The following POP1 variants were observed in gnomAD, a reference collection of about 807,000 sequenced individuals.
POP1 encodes the protein POP1 ribonuclease P/MRP subunit, also known as ribonucleases P/MRP protein subunit POP1.
In POP1, 75 loss-of-function variants were observed where a neutral mutation model predicts 102.2. The observed-to-expected ratio is 0.73, with a 90% CI of 0.61 to 0.89. POP1 has a LOEUF of 0.89. Ranked by LOEUF, POP1 falls within the 40% of genes least tolerant of loss-of-function variation. POP1 has a pLI of 0.00. For missense variants in POP1, 1,116 were observed against 1,267.4 expected, an observed-to-expected ratio of 0.88 and a Z score of 1.81; for synonymous variants, 436 against 464.1, an observed-to-expected ratio of 0.94 and a Z score of 0.78.
intron 9 of POP1, among the ~76,000 whole-genome samples, chr8:98,139,623 A>G (rs1450219250): frequency 6.6e-6 from 1 of 152,176 alleles, no homozygotes; most frequent in African/African-American, 2.4e-5. Flanking sequence ...TCTCCCAGCC[A>G]CTTGAAAGGC....
At position 98,134,494 on chromosome 8, in the gene POP1, C is replaced by T. The variant is rs1223493712; in HGVS notation, c.846C>T (p.His282=). Residue 282 remains histidine, a synonymous_variant, in exon 7 of 16, where the codon CAC becomes CAT. Transcript: ENST00000401707. ...CAGGGCTGACGTTTGCAGCAGTTCA[C>T]TGCTTGTCTGGAAAGCGCCAAGGGA... ...IDTGLTFAAV[H]CLSGKRQGSL... is the part of the protein sequence containing the mutation. The T allele has an allele frequency of 1.9e-6, 3 of 1,614,176 alleles. No homozygotes were observed. The highest frequency in any genetic ancestry group is 1.7e-5 in the Admixed American group (1 of 60,020).
chr8:98,129,641 T>C (rs532389221), intron 4 of POP1, among the ~76,000 whole-genome samples: 2 of 152,334 alleles, frequency 1.3e-5, no homozygotes, highest in African/African-American at 4.8e-5. Flanking sequence ...TTTGATTTCT[T>C]CTTTCTTGCC....
chr8:98,122,295 A>G (rs1170456315), intron 1 of POP1, among the ~76,000 whole-genome samples: 1 of 152,210 alleles, frequency 6.6e-6, no homozygotes, highest in African/African-American at 2.4e-5. Flanking sequence ...TCTTTGAGGC[A>G]CTGGTACAAC....
At chr8:98,144,466 G>A (rs982606944) in intron 11 of POP1, among the ~76,000 whole-genome samples, 3 of 151,754 alleles carry the variant, frequency 2.0e-5, no homozygotes, top group Admixed American at 1.3e-4. Flanking sequence ...GTAGAGACAG[G>A]GTCTCACTAA....
Position 98,136,755 on chromosome 8 carries a change from C to T in POP1, c.1268+17C>T, listed in dbSNP as rs1369679746. The T allele has an allele frequency of 1.9e-6, 3 of 1,613,658 alleles. No individual in the cohort carries two copies. In the Admixed American group the frequency reaches 5.0e-5, roughly 27 times the overall value. On this transcript the variant is annotated intron_variant, in intron 8 of 15. Coordinates refer to ENST00000401707, the MANE Select transcript of POP1 (RefSeq NM_001145860.2). ...TATAATCAGGTATGAGTTGAATTTG[C>T]TTTGAACCTACTGAACATTTTCAGT... is the stretch of plus-strand genomic sequence containing the variant.
chr8:98,154,081 G>A (rs535856133), intron 14 of POP1, among the ~76,000 whole-genome samples: 1 of 152,346 alleles, frequency 6.6e-6, no homozygotes, highest in South Asian at 2.1e-4. Flanking sequence ...GGCTGTTGGA[G>A]ATTTGAGGAG....
intron 1 of POP1, 84 bp downstream of exon 1, chr8:98,117,474 C>T (rs769995243): frequency 1.1e-5 from 3 of 262,112 alleles, no homozygotes; most frequent in Non-Finnish European, 2.3e-5. Flanking sequence ...CGCCCGTCTC[C>T]CCTCTTCATC....
chr8:98,117,542 T>C (rs1294997951), intron 1 of POP1, among the ~76,000 whole-genome samples, 152 bp downstream of exon 1: 2 of 152,112 alleles, frequency 1.3e-5, no homozygotes, highest in Non-Finnish European at 2.9e-5. Context: ...GGGGCCCCTC[T>C]CCCTGGTGTC....
chr8:98,151,383 G>A (rs1047708977), intron 14 of POP1, among the ~76,000 whole-genome samples: 2 of 152,154 alleles, frequency 1.3e-5, no homozygotes, highest in African/African-American at 4.8e-5. Flanking sequence ...GCCTGGCCAA[G>A]CACTGTTTTT....
chr8:98,145,591 A>G (rs1295070720), intron 11 of POP1, among the ~76,000 whole-genome samples: 2 of 152,156 alleles, frequency 1.3e-5, no homozygotes, highest in Non-Finnish European at 2.9e-5. Context: ...AACACTATGT[A>G]TCACTGAAAA....
intron 2 of POP1, among the ~76,000 whole-genome samples, chr8:98,126,854 TATCTC>T (rs1385249474): frequency 6.6e-6 from 1 of 152,238 alleles, no homozygotes; most frequent in Non-Finnish European, 1.5e-5. Context: ...ATCCTCAAGA[TATCTC>T]ATTTTATATA....
chr8:98,148,735 A>G (rs912091389), intron 12 of POP1, 80 bp from the exon 13 acceptor site: 14 of 1,245,736 alleles, frequency 1.1e-5, no homozygotes, highest in African/African-American at 1.1e-4. Flanking sequence ...TTAATTTTCT[A>G]AAGCTGCTTA....
intron 6 of POP1, 139 bp from the exon 7 acceptor site, chr8:98,134,333 A>G: frequency 1.2e-6 from 1 of 848,978 alleles, no homozygotes; most frequent in East Asian, 2.5e-5. Context: ...ATTGTGTGCC[A>G]GGCTTTGATC....
chr8:98,155,400 C>A (rs1013508758), intron 14 of POP1, among the ~76,000 whole-genome samples: 1 of 152,094 alleles, frequency 6.6e-6, no homozygotes, highest in African/African-American at 2.4e-5. Context: ...TCTGCCTCAG[C>A]CTCCCTAGTA....
intron 4 of POP1, 151 bp from the exon 5 acceptor site, chr8:98,129,827 C>T: frequency 2.3e-6 from 2 of 885,736 alleles, no homozygotes; most frequent in Non-Finnish European, 3.5e-6. Flanking sequence ...TCTCTACTTA[C>T]ATTGAAGAAA....
chr8:98,155,563 A>G (rs534835741), intron 14 of POP1, among the ~76,000 whole-genome samples: 3 of 151,048 alleles, frequency 2.0e-5, no homozygotes, highest in East Asian at 4.0e-4. Context: ...GATTACAAGC[A>G]TGAGCCACCA....
intron 1 of POP1, 123 bp from the exon 2 acceptor site, chr8:98,123,213 T>C: frequency 8.7e-7 from 1 of 1,147,602 alleles, no homozygotes; most frequent in East Asian, 2.7e-5. Flanking sequence ...TGCAATATAC[T>C]AATAGGGTCT....
At chr8:98,118,795 A>C (rs1259300250) in intron 1 of POP1, among the ~76,000 whole-genome samples, 1 of 151,812 alleles carries the variant, frequency 6.6e-6, no homozygotes, top group Non-Finnish European at 1.5e-5. Flanking sequence ...TTATTATATG[A>C]GATCCTATTT....
At chr8:98,133,927 T>C in intron 5 of POP1, 22 bp from the exon 6 acceptor site, 1 of 1,585,070 alleles carries the variant, frequency 6.3e-7, no homozygotes, top group Non-Finnish European at 8.7e-7. Context: ...AAGTACTTAA[T>C]TGTGTCTCCC....
Sources: gnomAD v4.1 joint callset for allele counts (sites outside exome capture counted in the v4.1 genomes callset) on GRCh38, gnomAD v4.1.1 for gene constraint, MANE v1.5 for transcripts, NCBI Gene and HGNC (gene_info 2026-07-23, HGNC 2026-07-21) for gene names.